Variants in REPS2 observed in about 807,000 individuals in gnomAD.
REPS2 encodes the protein ralBP1-associated Eps domain-containing protein 2.
Under a neutral mutation model 53.6 loss-of-function variants are expected in REPS2, and 23 were observed. The ratio of observed to expected loss-of-function variants is 0.43; its 90% CI spans 0.31 to 0.61. REPS2 has a LOEUF of 0.61. REPS2 is among the 20% of genes least tolerant of loss of function. The pLI is 0.11. For missense variants in REPS2, 446 were observed against 534.9 expected (o/e 0.83, Z 1.64); for synonymous variants, 238 against 218.6 (o/e 1.09, Z -0.78).
intron 1 of REPS2, among the ~76,000 whole-genome samples, chrX:16,952,234 C>A (rs2060523532): frequency 9.0e-6 from 1 of 111,375 alleles, no homozygotes. Context: ...CCTAGCCCTG[C>A]ACCCCTGAAT....
chrX:16,946,747 C>CGGTGGT lies in REPS2; in HGVS notation c.-112_-107dup. The CGGTGGT allele has an allele frequency of 1.4e-6, 1 of 715,298 alleles. No homozygotes were observed. The highest frequency in any genetic ancestry group is 1.6e-6 in the Non-Finnish European group (1 of 611,206). The allele number at this position is 715,298 out of a possible 1,213,427, so 58.9% of individuals were successfully genotyped here. On this transcript the variant is annotated 5_prime_UTR_variant, in exon 1 of 18. Transcript: ENST00000357277. The stretch of plus-strand genomic sequence containing the variant: ...GGCGTGGGGGTGGTGGTGGCGGCGG[C>CGGTGGT]GGTGGTGGCGGCGGCGGCGGCGGCG...
intron 14 of REPS2, among the ~76,000 whole-genome samples, chrX:17,128,008 T>A (rs889305300): frequency 1.8e-5 from 2 of 111,639 alleles, no homozygotes; most frequent in African/African-American, 6.5e-5. Flanking sequence ...GGCAGCTGAC[T>A]GTCTCCAGAA....
At chrX:17,120,175 C>T (rs184335698) in intron 14 of REPS2, among the ~76,000 whole-genome samples, 2 of 111,780 alleles carry the variant, frequency 1.8e-5, no homozygotes, top group Non-Finnish European at 3.8e-5. Context: ...GTGCACGGCC[C>T]ACACTGTGAC....
At chrX:16,960,500 A>G (rs1463057166) in intron 1 of REPS2, among the ~76,000 whole-genome samples, 1 of 112,697 alleles carries the variant, frequency 8.9e-6, no homozygotes, top group Admixed American at 9.4e-5. Flanking sequence ...TCAACACATT[A>G]AAGACCATTT....
intron 1 of REPS2, among the ~76,000 whole-genome samples, chrX:16,972,467 T>C (rs1244402505): frequency 4.5e-5 from 5 of 111,547 alleles, no homozygotes; most frequent in Non-Finnish European, 7.5e-5. Flanking sequence ...CTTATTTGGC[T>C]TTTTTTTAGT....
At chrX:16,976,314 A>G (rs183367916) in intron 1 of REPS2, among the ~76,000 whole-genome samples, 1 of 111,667 alleles carries the variant, frequency 9.0e-6, no homozygotes, top group Admixed American at 9.5e-5. Flanking sequence ...GTAAACAAAA[A>G]TAACCATTAG....
At chrX:17,108,999 A>G (rs1354032797) in intron 14 of REPS2, among the ~76,000 whole-genome samples, 1 of 108,683 alleles carries the variant, frequency 9.2e-6, no homozygotes, top group Admixed American at 9.8e-5. Context: ...AAATGCAGAG[A>G]AACAGGCTTG....
chrX:17,107,333 A>AAG (rs1192080482), intron 14 of REPS2, among the ~76,000 whole-genome samples: 1 of 112,035 alleles, frequency 8.9e-6, no homozygotes, highest in African/African-American at 3.2e-5. Flanking sequence ...ATTGAATCTC[A>AAG]AGTTTTGGAA....
In REPS2 at chrX:17,025,001, C is replaced by T. The variant is rs2061624764; in HGVS notation, c.547-58C>T. 5 of 1,205,781 alleles carry T rather than the reference C, an allele frequency of 4.1e-6. No homozygotes were observed. The Admixed American group carries it at 6.6e-5, about 16-fold the overall frequency. On this transcript the variant is annotated intron_variant, in intron 3 of 17. Transcript: ENST00000357277. ...AGAGTTGCGTTATGCTTCCTGACTG[C>T]AGCTCAGAACGCCAGGCTTGAGTGA...
intron 1 of REPS2, among the ~76,000 whole-genome samples, chrX:16,967,759 T>C (rs889601326): frequency 1.8e-5 from 2 of 111,364 alleles, no homozygotes; most frequent in Non-Finnish European, 3.8e-5. Flanking sequence ...CACTAAACGT[T>C]TCTCTTGTCA....
chrX:17,165,647 G>A, the REPS2 span, among the ~76,000 whole-genome samples: 4 of 111,508 alleles, frequency 3.6e-5, no homozygotes, highest in Admixed American at 3.8e-4. Context: ...CTTGGAACGT[G>A]CTTTTTGCAA....
chrX:17,108,918 CTT>C (rs566199087), intron 14 of REPS2, among the ~76,000 whole-genome samples: 7 of 86,624 alleles, frequency 8.1e-5, no homozygotes, highest in African/African-American at 8.5e-5. Context: ...AACAACAGAA[CTT>C]TTTTTTTTTT....
the REPS2 span, among the ~76,000 whole-genome samples, chrX:17,163,593 A>G: frequency 8.9e-6 from 1 of 112,274 alleles, no homozygotes; most frequent in Non-Finnish European, 1.9e-5. Flanking sequence ...GCAAAAGCTC[A>G]TCACGTACAA....
chrX:16,978,593 G>A, intron 1 of REPS2: 5 of 749,556 alleles, frequency 6.7e-6, no homozygotes, highest in Non-Finnish European at 7.9e-6. Flanking sequence ...GCATGCAGAA[G>A]TGGTGAAGGT....
At chrX:16,968,606 G>A (rs1269658391) in intron 1 of REPS2, among the ~76,000 whole-genome samples, 16 of 101,416 alleles carry the variant, frequency 1.6e-4, no homozygotes, top group Admixed American at 3.0e-4. Flanking sequence ...AGGCAGAGGC[G>A]CCCCTCACCT....
At chrX:17,065,629 C>T (rs187166670) in intron 9 of REPS2, among the ~76,000 whole-genome samples, 13 of 111,691 alleles carry the variant, frequency 1.2e-4, no homozygotes, top group African/African-American at 4.2e-4. Context: ...GCTCTGTCAC[C>T]AGGCCAGAGT....
the REPS2 span, among the ~76,000 whole-genome samples, chrX:17,187,485 A>T: frequency 8.9e-6 from 1 of 112,320 alleles, no homozygotes; most frequent in African/African-American, 3.2e-5. Flanking sequence ...GGCAAATTAA[A>T]GCTGACTGCA....
the REPS2 span, among the ~76,000 whole-genome samples, chrX:17,163,736 T>G: frequency 7.1e-5 from 8 of 111,964 alleles, no homozygotes; most frequent in African/African-American, 2.6e-4. Context: ...AAACTGTTCT[T>G]TAGACATGAA....
intron 17 of REPS2, among the ~76,000 whole-genome samples, chrX:17,145,021 A>G (rs1030161869): frequency 8.9e-6 from 1 of 112,023 alleles, no homozygotes. Context: ...CTTGGAATAG[A>G]CATACTCAGC....
Sources: allele counts gnomAD v4.1 joint callset (sites outside exome capture counted in the v4.1 genomes callset), GRCh38; gene constraint gnomAD v4.1.1; transcripts MANE v1.5; gene names NCBI Gene and HGNC (gene_info 2026-07-23, HGNC 2026-07-21).